SMYD3: variants seen among roughly 807,000 people sequenced by gnomAD.
SMYD3 encodes the protein histone-lysine N-methyltransferase SMYD3.
In SMYD3, 36 loss-of-function variants were observed where a neutral mutation model predicts 57.7. The observed-to-expected ratio is 0.62, with a 90% confidence interval of 0.48 to 0.82. The LOEUF (loss-of-function observed/expected upper bound fraction) is 0.82, where lower values mean the gene tolerates loss of function less well. Ranked by LOEUF, SMYD3 falls within the 40% of genes least tolerant of loss-of-function variation. The pLI is 0.00. For synonymous variants in SMYD3, 211 were observed against 195.0 expected (o/e 1.08, Z -0.68); for missense variants, 515 against 538.8 (o/e 0.96, Z 0.44).
At chr1:245,911,244 G>A (rs2054954459) in intron 8 of SMYD3, among the ~76,000 whole-genome samples, 1 of 152,072 alleles carries the variant, frequency 6.6e-6, no homozygotes, top group Non-Finnish European at 1.5e-5. Flanking sequence ...TGGAGAAAGG[G>A]GAAGGCTCAC....
At chr1:246,191,198 T>C (rs2062732911) in intron 5 of SMYD3, among the ~76,000 whole-genome samples, 1 of 152,226 alleles carries the variant, frequency 6.6e-6, no homozygotes, top group South Asian at 2.1e-4. Context: ...TATAAAAGTA[T>C]CCTTGAAATC....
chr1:246,143,126 T>TACACACACACACACAC (rs370332515), intron 5 of SMYD3, among the ~76,000 whole-genome samples: 1 of 146,006 alleles, frequency 6.8e-6, no homozygotes, highest in African/African-American at 2.5e-5. Context: ...GTATATTTAA[T>TACACACACACACACAC]ACACACACAC....
At chr1:246,255,081 A>G (rs2063860133) in intron 5 of SMYD3, among the ~76,000 whole-genome samples, 2 of 152,150 alleles carry the variant, frequency 1.3e-5, no homozygotes, top group Admixed American at 6.5e-5. Flanking sequence ...AAAGAGAAAT[A>G]GTTTCACTTC....
chr1:245,863,974 C>T lies in SMYD3; in HGVS notation c.814-88G>A, dbSNP rs191338235. ...ACCTTTCTCCCAGATATACAAATGG[C>T]CTGCAAGCCCCTGAAAAGATGCTTG... On this transcript the variant is annotated intron_variant, in intron 8 of 11. Coordinates refer to ENST00000490107, the MANE Select transcript of SMYD3 (RefSeq NM_001167740.2). The T allele has an allele frequency of 1.3e-5, 15 of 1,152,640 alleles. 1 individual carries two copies. In the East Asian group the frequency reaches 3.3e-4, roughly 26 times the overall value. 71.4% of individuals were successfully genotyped at this position (1,152,640 alleles called of 1,614,324 possible).
chr1:246,368,431 C>T (rs1431655636), intron 1 of SMYD3, among the ~76,000 whole-genome samples: 1 of 152,148 alleles, frequency 6.6e-6, no homozygotes, highest in Non-Finnish European at 1.5e-5. Flanking sequence ...CCCAAATTCC[C>T]CCCAGCCCTG....
intron 1 of SMYD3, among the ~76,000 whole-genome samples, chr1:246,427,143 A>G (rs2067230651): frequency 6.6e-6 from 1 of 152,210 alleles, no homozygotes; most frequent in South Asian, 2.1e-4. Context: ...AGCAAATGTC[A>G]TATTGGAACA....
At chr1:246,153,251 A>T (rs1188264821) in intron 5 of SMYD3, among the ~76,000 whole-genome samples, 1 of 151,822 alleles carries the variant, frequency 6.6e-6, no homozygotes, top group Admixed American at 6.6e-5. Flanking sequence ...AACTCTCCCC[A>T]CTTTTGAGAG....
chr1:245,923,305 C>A (rs4434815), intron 7 of SMYD3, among the ~76,000 whole-genome samples: 120,815 of 150,250 alleles, frequency 0.8, 49,224 homozygotes, highest in Middle Eastern at 0.89. Flanking sequence ...AAAAAAAAAA[C>A]AAGAAAATCT....
chr1:246,011,254 A>C (rs1252101186), intron 5 of SMYD3, among the ~76,000 whole-genome samples: 1 of 151,926 alleles, frequency 6.6e-6, no homozygotes, highest in East Asian at 1.9e-4. Flanking sequence ...CTCCTCAAAC[A>C]CCACCTTCCT....
At chr1:246,124,543 AG>A (rs1201566408) in intron 5 of SMYD3, among the ~76,000 whole-genome samples, 4 of 152,218 alleles carry the variant, frequency 2.6e-5, no homozygotes, top group African/African-American at 9.6e-5. Context: ...ATCACCTATT[AG>A]GTGCAAAACA....
chr1:246,067,910 C>T (rs1397049935), intron 5 of SMYD3, among the ~76,000 whole-genome samples: 2 of 152,100 alleles, frequency 1.3e-5, no homozygotes, highest in Non-Finnish European at 2.9e-5. Flanking sequence ...CCACACTCTC[C>T]GGCACCGACT....
chr1:246,424,352 A>G (rs1423025784), intron 1 of SMYD3, among the ~76,000 whole-genome samples: 1 of 152,142 alleles, frequency 6.6e-6, no homozygotes, highest in East Asian at 1.9e-4. Flanking sequence ...CAGAAGAGAT[A>G]AAATGGAATA....
chr1:245,795,121 C>T (rs1258319729), intron 10 of SMYD3, among the ~76,000 whole-genome samples: 2 of 152,144 alleles, frequency 1.3e-5, no homozygotes, highest in Admixed American at 6.5e-5. Flanking sequence ...AGTGCCTACG[C>T]CCTCATCTTG....
chr1:246,440,636 A>T (rs974999365), intron 1 of SMYD3, among the ~76,000 whole-genome samples: 1 of 152,200 alleles, frequency 6.6e-6, no homozygotes, highest in African/African-American at 2.4e-5. Flanking sequence ...CATAAAAACT[A>T]CGTTAAAATA....
chr1:246,077,457 T>C (rs1259273768), intron 5 of SMYD3, among the ~76,000 whole-genome samples: 2 of 152,028 alleles, frequency 1.3e-5, no homozygotes, highest in African/African-American at 4.8e-5. Context: ...TAAGCCAAGA[T>C]GGCAAGCCTG....
At chr1:245,757,804 C>T (rs1234588589) in intron 11 of SMYD3, among the ~76,000 whole-genome samples, 1 of 152,124 alleles carries the variant, frequency 6.6e-6, no homozygotes, top group African/African-American at 2.4e-5. Context: ...ATTCCAGTAT[C>T]ACCCTGTTTT....
chr1:245,775,652 A>G (rs2046552856), intron 10 of SMYD3, among the ~76,000 whole-genome samples: 1 of 151,202 alleles, frequency 6.6e-6, no homozygotes, highest in South Asian at 2.1e-4. Flanking sequence ...TCCCTCCACT[A>G]TTGTCCTATG....
chr1:246,083,848 T>C (rs1481327978), intron 5 of SMYD3, among the ~76,000 whole-genome samples: 6 of 152,178 alleles, frequency 3.9e-5, no homozygotes, highest in Non-Finnish European at 5.9e-5. Flanking sequence ...AAGGTCACAA[T>C]TTGTATTTGC....
At chr1:245,868,438 A>G (rs1053168827) in intron 8 of SMYD3, among the ~76,000 whole-genome samples, 1 of 152,168 alleles carries the variant, frequency 6.6e-6, no homozygotes, top group Non-Finnish European at 1.5e-5. Context: ...TTCTAAGAGG[A>G]GAGTAAAATC....
Sources: gnomAD v4.1 joint callset for allele counts (sites outside exome capture counted in the v4.1 genomes callset) on GRCh38, gnomAD v4.1.1 for gene constraint, MANE v1.5 for transcripts, NCBI Gene and HGNC (gene_info 2026-07-23, HGNC 2026-07-21) for gene names.